The following ADAM7 variants were observed in gnomAD, a reference collection of about 807,000 sequenced individuals.
ADAM7 encodes disintegrin and metalloproteinase domain-containing protein 7.
A neutral mutation model predicts 102.9 loss-of-function variants in ADAM7; 97 were observed. The ratio of observed to expected loss-of-function variants is 0.94; its 90% CI spans 0.80 to 1.12. The LOEUF (loss-of-function observed/expected upper bound fraction) is 1.12, where lower values mean the gene tolerates loss of function less well. Among genes scored for constraint, ADAM7 ranks in the 50% most tolerant of loss-of-function variants. The pLI is 0.00. For missense variants in ADAM7, 991 were observed against 908.7 expected (o/e 1.09, Z -1.16); for synonymous variants, 334 against 304.4 (o/e 1.10, Z -1.01).
At chr8:24,454,888 C>G (rs1185486718) in intron 3 of ADAM7, among the ~76,000 whole-genome samples, 6 of 152,062 alleles carry the variant, frequency 3.9e-5, no homozygotes, top group Non-Finnish European at 8.8e-5. Context: ...TCTAGGACAA[C>G]AATGTTAAAT....
chr8:24,499,670 T>G (rs1239949515), intron 17 of ADAM7, among the ~76,000 whole-genome samples: 1 of 152,136 alleles, frequency 6.6e-6, no homozygotes, highest in Non-Finnish European at 1.5e-5. Context: ...GTTAAGCTTT[T>G]GAGAAAATCA....
At chr8:24,444,533 G>C (rs2129371859) in intron 2 of ADAM7, among the ~76,000 whole-genome samples, 1 of 152,052 alleles carries the variant, frequency 6.6e-6, no homozygotes, top group Admixed American at 6.5e-5. Context: ...GTGGCTAGTA[G>C]GGTGTAATAA....
chr8:24,445,560 A>G (rs1264707626), intron 2 of ADAM7, among the ~76,000 whole-genome samples: 2 of 152,024 alleles, frequency 1.3e-5, no homozygotes, highest in African/African-American at 4.8e-5. Context: ...AAAGTTATCT[A>G]CTGCTTACTC....
intron 7 of ADAM7, among the ~76,000 whole-genome samples, chr8:24,471,254 G>T (rs1373149985): frequency 6.6e-6 from 1 of 152,036 alleles, no homozygotes; most frequent in Non-Finnish European, 1.5e-5. Context: ...AAATGTTACA[G>T]TACGCTAAGG....
chr8:24,487,404 T>C, intron 11 of ADAM7, 87 bp downstream of exon 11: 1 of 1,469,028 alleles, frequency 6.8e-7, no homozygotes, highest in Non-Finnish European at 9.1e-7. Context: ...CCCAGCACTT[T>C]GGGAGGCCGA....
chr8:24,476,985 AT>A (rs1017499897), intron 8 of ADAM7, among the ~76,000 whole-genome samples: 2 of 151,854 alleles, frequency 1.3e-5, no homozygotes. Context: ...ATGGCAACAC[AT>A]TTTTTTTGCC....
intron 7 of ADAM7, among the ~76,000 whole-genome samples, chr8:24,472,569 T>C (rs565193538): frequency 6.6e-6 from 1 of 152,046 alleles, no homozygotes; most frequent in South Asian, 2.1e-4. Flanking sequence ...CCATAAAAAA[T>C]AGTAAAGTAA....
intron 11 of ADAM7, among the ~76,000 whole-genome samples, chr8:24,487,551 C>T (rs1585906695): frequency 6.6e-6 from 1 of 151,218 alleles, no homozygotes; most frequent in Admixed American, 6.6e-5. Flanking sequence ...AGGAGAATTG[C>T]TTGAATTCGG....
intron 2 of ADAM7, among the ~76,000 whole-genome samples, chr8:24,444,367 G>C (rs759684799): frequency 6.6e-6 from 1 of 151,836 alleles, no homozygotes; most frequent in Non-Finnish European, 1.5e-5. Context: ...CTCTCCAGGG[G>C]GTGGAACCTA....
At chr8:24,506,416 C>T (rs1820952871) in intron 20 of ADAM7, among the ~76,000 whole-genome samples, 1 of 152,048 alleles carries the variant, frequency 6.6e-6, no homozygotes, top group South Asian at 2.1e-4. Flanking sequence ...AAAATGTTGG[C>T]ATTTTGTTCA....
intron 12 of ADAM7, 50 bp from the exon 13 acceptor site, chr8:24,490,749 G>A: frequency 6.5e-7 from 1 of 1,544,260 alleles, no homozygotes. Context: ...CTTCAAACAG[G>A]AGTCAGAGTA....
chr8:24,450,598 A>T (rs1444417015), intron 3 of ADAM7, among the ~76,000 whole-genome samples: 1 of 152,180 alleles, frequency 6.6e-6, no homozygotes, highest in Non-Finnish European at 1.5e-5. Context: ...GTCTGCAAAC[A>T]GGGACAATTT....
intron 8 of ADAM7, among the ~76,000 whole-genome samples, chr8:24,479,824 G>A (rs1819888709): frequency 6.6e-6 from 1 of 152,152 alleles, no homozygotes; most frequent in South Asian, 2.1e-4. Flanking sequence ...CTCCTTGAAG[G>A]AGACTGTCTT....
intron 13 of ADAM7, among the ~76,000 whole-genome samples, chr8:24,491,259 T>C (rs1390296746): frequency 6.6e-6 from 1 of 152,190 alleles, no homozygotes; most frequent in Non-Finnish European, 1.5e-5. Context: ...CAGTGGCTAG[T>C]AAGTGGAGAA....
chr8:24,464,349 G>A (rs916250296), intron 4 of ADAM7, among the ~76,000 whole-genome samples: 1 of 152,138 alleles, frequency 6.6e-6, no homozygotes, highest in Admixed American at 6.6e-5. Flanking sequence ...TGATCCTTAT[G>A]TGATTCTCAT....
chr8:24,503,947 G>A (rs1347591914), intron 20 of ADAM7, among the ~76,000 whole-genome samples: 1 of 151,740 alleles, frequency 6.6e-6, no homozygotes, highest in African/African-American at 2.4e-5. Flanking sequence ...GATGGGTGCA[G>A]CAAACCACCA....
chr8:24,468,432 A>G (rs963773338), intron 6 of ADAM7, among the ~76,000 whole-genome samples: 101 of 152,296 alleles, frequency 6.6e-4, no homozygotes, highest in African/African-American at 2.1e-3. Flanking sequence ...TGATAGGTGC[A>G]GCAAACCACC....
chr8:24,474,135 G>T (rs527423402), intron 7 of ADAM7, among the ~76,000 whole-genome samples: 6 of 152,110 alleles, frequency 3.9e-5, no homozygotes, highest in African/African-American at 1.4e-4. Flanking sequence ...AATAAAAAAG[G>T]TAAGACCCAT....
At chr8:24,490,691 A>C (rs1820313254) in intron 12 of ADAM7, 108 bp from the exon 13 acceptor site, 1 of 1,051,316 alleles carries the variant, frequency 9.5e-7, no homozygotes, top group African/African-American at 1.6e-5. Flanking sequence ...ACAATCATGC[A>C]TCACTATTTA....
Sources: gnomAD v4.1 joint callset for allele counts (sites outside exome capture counted in the v4.1 genomes callset) on GRCh38, gnomAD v4.1.1 for gene constraint, MANE v1.5 for transcripts, NCBI Gene and HGNC (gene_info 2026-07-23, HGNC 2026-07-21) for gene names.